The following GHR variants were observed in gnomAD, a reference collection of about 807,000 sequenced individuals.
GHR encodes the protein growth hormone receptor.
In GHR, 35 loss-of-function variants were observed where a neutral mutation model predicts 67.1. The ratio of observed to expected loss-of-function variants is 0.52; its 90% CI spans 0.40 to 0.69. GHR has a LOEUF of 0.69. Ranked by LOEUF, GHR falls within the 30% of genes least tolerant of loss-of-function variation. The probability of loss-of-function intolerance (pLI) is 0.00; values close to 1 mark genes in which losing one functional copy is unlikely to be tolerated. For synonymous variants in GHR, 272 were observed against 269.1 expected (o/e 1.01, Z -0.10); for missense variants, 792 against 764.6 (o/e 1.04, Z -0.42).
At chr5:42,454,350 T>C (rs1347458666) in intron 1 of GHR, among the ~76,000 whole-genome samples, 2 of 152,204 alleles carry the variant, frequency 1.3e-5, no homozygotes, top group Non-Finnish European at 2.9e-5. Context: ...GGCAGTGATA[T>C]TAGCTGTTGT....
At chr5:42,465,727 A>G (rs1561319353) in intron 1 of GHR, 1 of 916,902 alleles carries the variant, frequency 1.1e-6, no homozygotes, top group South Asian at 1.3e-5. Context: ...CACTTCCACT[A>G]TACCTATCAA....
At chr5:42,465,279 T>C (rs1744674967) in intron 1 of GHR, 2 of 636,564 alleles carry the variant, frequency 3.1e-6, no homozygotes, top group Non-Finnish European at 5.5e-6. Context: ...TTTCTTATAC[T>C]GAATGTGATG....
Position 42,450,578 on chromosome 5 carries a change from T to C in GHR, c.-12+26623T>C, listed in dbSNP as rs117108732. 2.4e-3 allele frequency among the ~76,000 whole-genome samples: 366 copies of C among 152,270 alleles called. 11 individuals carry two copies. In the East Asian group the frequency reaches 0.063, roughly 26 times the overall value. ...TTTATATTTTCAAAGAACCAGCTTTTTGTTTCACTTGTCTTTTGCATTTTT... is the reference window on the plus strand; with the variant it reads ...TTTATATTTTCAAAGAACCAGCTTTCTGTTTCACTTGTCTTTTGCATTTTT... On this transcript the variant is annotated intron_variant, in intron 1 of 9. Transcript: ENST00000230882.
chr5:42,432,088 C>T (rs1402585651), intron 1 of GHR, among the ~76,000 whole-genome samples: 1 of 152,104 alleles, frequency 6.6e-6, no homozygotes, highest in African/African-American at 2.4e-5. Context: ...TTGATTTTTT[C>T]CTCGGTTGTT....
At chr5:42,623,919 A>G (rs1753576443) in intron 2 of GHR, among the ~76,000 whole-genome samples, 2 of 152,068 alleles carry the variant, frequency 1.3e-5, no homozygotes, top group South Asian at 4.1e-4. Flanking sequence ...TTTTTCCCTT[A>G]CTGCTCAGCA....
chr5:42,719,209 A>C lies in GHR; in HGVS notation c.1702A>C (p.Thr568Pro). 1.2e-6 allele frequency: 2 copies of C among 1,614,114 alleles called. No individual in the cohort carries two copies. The highest frequency in any genetic ancestry group is 1.7e-6 in the Non-Finnish European group (2 of 1,179,986). Residue 568 changes from threonine to proline, a missense_variant, in exon 10 of 10, where the codon ACC (threonine) becomes CCC (proline). Transcript: ENST00000230882. The part of the protein sequence containing the change: ...PSLNQEDIYI[T>P]TESLTTAAGR... ...CTTAAACCAAGAGGACATTTACATCACCACAGAAAGCCTTACCACTGCTGC... is the reference window on the plus strand; with the variant it reads ...CTTAAACCAAGAGGACATTTACATCCCCACAGAAAGCCTTACCACTGCTGC...
chr5:42,577,580 T>TCTGGG (rs1750824119), intron 2 of GHR, among the ~76,000 whole-genome samples: 1 of 152,236 alleles, frequency 6.6e-6, no homozygotes, highest in African/African-American at 2.4e-5. Flanking sequence ...TGAATGAACT[T>TCTGGG]GCTAGTTTTG....
chr5:42,718,674 T>C lies in GHR; in HGVS notation c.1167T>C (p.Cys389=), dbSNP rs755730016. 6.2e-7 allele frequency: 1 copy of C among 1,614,168 alleles called. No homozygotes were observed. The highest frequency in any genetic ancestry group is 8.5e-7 in the Non-Finnish European group (1 of 1,180,006). Residue 389 remains cysteine (C), a synonymous_variant, in exon 10 of 10, where the codon TGT becomes TGC. Transcript: ENST00000230882. ...VKDGDSGRTS[C]CEPDILETDF... Reference sequence around the variant, plus strand: ...ATGGCGACTCTGGACGTACCAGCTGTTGTGAACCTGACATTCTGGAGACTG... The same window carrying C: ...ATGGCGACTCTGGACGTACCAGCTGCTGTGAACCTGACATTCTGGAGACTG...
chr5:42,651,825 G>A (rs984825892), intron 3 of GHR, among the ~76,000 whole-genome samples: 2 of 151,612 alleles, frequency 1.3e-5, no homozygotes, highest in African/African-American at 4.9e-5. Context: ...CCTCACTCTC[G>A]AGTTAAACTC....
intron 4 of GHR, among the ~76,000 whole-genome samples, chr5:42,691,182 A>G (rs1757406159): frequency 6.6e-6 from 1 of 152,234 alleles, no homozygotes; most frequent in Non-Finnish European, 1.5e-5. Context: ...GACTGGGTAA[A>G]GGGAAACGTT....
chr5:42,431,272 A>C (rs1181425232), intron 1 of GHR, among the ~76,000 whole-genome samples: 1 of 152,190 alleles, frequency 6.6e-6, no homozygotes, highest in Non-Finnish European at 1.5e-5. Flanking sequence ...TATCTGATGC[A>C]GAAAGTCTTT....
chr5:42,436,543 A>G (rs1162721875), intron 1 of GHR, among the ~76,000 whole-genome samples: 2 of 152,178 alleles, frequency 1.3e-5, no homozygotes, highest in Non-Finnish European at 2.9e-5. Context: ...AATTGACCAC[A>G]ATGCTCTTCA....
At chr5:42,577,452 T>C (rs1191304525) in intron 2 of GHR, among the ~76,000 whole-genome samples, 1 of 152,178 alleles carries the variant, frequency 6.6e-6, no homozygotes, top group Non-Finnish European at 1.5e-5. Context: ...AGATGTTCAG[T>C]TATGCGAAAC....
chr5:42,588,157 T>C (rs945536203), intron 2 of GHR, among the ~76,000 whole-genome samples: 3 of 152,190 alleles, frequency 2.0e-5, no homozygotes, highest in Admixed American at 2.0e-4. Context: ...ATTCTGCAGA[T>C]GTTAAGAGGC....
chr5:42,665,011 C>G (rs1755879432), intron 3 of GHR, among the ~76,000 whole-genome samples: 1 of 152,204 alleles, frequency 6.6e-6, no homozygotes, highest in South Asian at 2.1e-4. Flanking sequence ...CCATCACTGG[C>G]TATCAGAGAA....
rs1749842489 is a variant in GHR at position 42,564,970 on chromosome 5, GCCCAAAC to G, written c.-11-893_-11-887del. Among the ~76,000 whole-genome samples the G allele has an allele frequency of 4.6e-5, 7 of 152,304 alleles. No individual in the cohort carries two copies. The South Asian group carries it at 1.5e-3, about 32-fold the overall frequency. ...AATACGCTGAGTTCATTTTCAACCA[GCCCAAAC>G]TTGCCTCAGAAGATCCGGGATGTGG... On this transcript the variant is annotated intron_variant, in intron 1 of 9. Transcript: ENST00000230882.
intron 6 of GHR, among the ~76,000 whole-genome samples, chr5:42,701,991 G>A (rs1187572961): frequency 1.3e-5 from 2 of 151,626 alleles, no homozygotes; most frequent in Admixed American, 1.3e-4. Context: ...TTGAAATATG[G>A]ATACATTGTA....
At chr5:42,578,858 TAATAA>T (rs1338094598) in intron 2 of GHR, among the ~76,000 whole-genome samples, 1 of 151,930 alleles carries the variant, frequency 6.6e-6, no homozygotes, top group Non-Finnish European at 1.5e-5. Flanking sequence ...CAAACAAAAA[TAATAA>T]AATAAAAACG....
chr5:42,635,306 A>G (rs1275936399), intron 3 of GHR, among the ~76,000 whole-genome samples: 1 of 152,178 alleles, frequency 6.6e-6, no homozygotes, highest in Non-Finnish European at 1.5e-5. Flanking sequence ...CTCTGAAATA[A>G]GAGAAAGGCA....
Sources: gnomAD v4.1 joint callset for allele counts (sites outside exome capture counted in the v4.1 genomes callset) on GRCh38, gnomAD v4.1.1 for gene constraint, MANE v1.5 for transcripts, NCBI Gene and HGNC (gene_info 2026-07-23, HGNC 2026-07-21) for gene names.